Variants in ZNF571 observed in about 807,000 individuals in gnomAD.
ZNF571 encodes zinc finger protein 571.
Under a neutral mutation model 7.7 loss-of-function variants are expected in ZNF571, and 4 were observed. The observed-to-expected ratio is 0.52, with a 90% confidence interval of 0.25 to 1.18. The LOEUF (loss-of-function observed/expected upper bound fraction) is 1.18, where lower values mean the gene tolerates loss of function less well. Ranked by LOEUF, ZNF571 falls within the 50% of genes most tolerant of loss-of-function variation. ZNF571 has a pLI of 0.14. For synonymous variants in ZNF571, 251 were observed against 232.4 expected (o/e 1.08, Z -0.73); for missense variants, 704 against 726.9 (o/e 0.97, Z 0.36).
chr19:37,575,742 T>G (rs2043220527), intron 3 of ZNF571: 1 of 152,206 alleles, frequency 6.6e-6, no homozygotes, highest in African/African-American at 2.4e-5. Flanking sequence ...ACACTTGGTA[T>G]TTTTTAATTT....
At position 37,565,035 on chromosome 19, in the gene ZNF571, G is replaced by A; in HGVS notation, c.1393C>T (p.His465Tyr). The A allele has an allele frequency of 4.3e-6, 7 of 1,613,718 alleles. No homozygotes were observed. The highest frequency in any genetic ancestry group is 3.4e-6 in the Non-Finnish European group (4 of 1,179,754). Reference sequence around the variant, plus strand: ...TGTTTCTCACCATGAATTTTCTCATGTTGAGTAAGATATGCAACACGAATA... The same window carrying A: ...TGTTTCTCACCATGAATTTTCTCATATTGAGTAAGATATGCAACACGAATA... Reference protein sequence around the residue: ...AFIRVAYLTQHEKIHGEKHYE... With the variant: ...AFIRVAYLTQYEKIHGEKHYE... The change falls in exon 4 of 4, where the codon CAT (histidine) becomes TAT (tyrosine). Residue 465 changes from histidine (H) to tyrosine (Y), a missense_variant. Transcript: ENST00000451802.
chr19:37,569,249 G>A lies in ZNF571; in HGVS notation c.137-2958C>T, dbSNP rs957195950. 2.0e-5 allele frequency among the ~76,000 whole-genome samples: 3 copies of A among 152,014 alleles called. No homozygotes were observed. Among genetic ancestry groups the A allele is most frequent in the Non-Finnish European group, 2.9e-5 (2 of 68,004 alleles). ...ATTACAGGCATGAGTCACTGCGCCT[G>A]GCCCCAAAGCATCCGGAACCACAAC... On this transcript the variant is annotated intron_variant, in intron 3 of 3. Transcript: ENST00000451802. This position sits in a 1 kb window ranked among gnomAD's most constrained non-coding sequence, Gnocchi z 4.4.
At chr19:37,581,463 TTTC>T (rs1287920328) in intron 3 of ZNF571, among the ~76,000 whole-genome samples, 70 of 150,136 alleles carry the variant, frequency 4.7e-4, no homozygotes, top group African/African-American at 1.7e-3. Context: ...TCTTTCTTTC[TTTC>T]TTTTTTTTTT....
intron 3 of ZNF571, chr19:37,575,396 C>T (rs1014773868): frequency 3.9e-5 from 6 of 152,162 alleles, no homozygotes; most frequent in African/African-American, 1.4e-4. Flanking sequence ...ATTTACCATA[C>T]AAATACTGTT....
At chr19:37,577,765 G>T (rs934518669) in intron 3 of ZNF571, among the ~76,000 whole-genome samples, 12 of 152,082 alleles carry the variant, frequency 7.9e-5, no homozygotes, top group African/African-American at 2.9e-4. Context: ...GTAACTCTAG[G>T]GGGGCACTCA....
At chr19:37,568,319 C>CT (rs1027947983) in intron 3 of ZNF571, among the ~76,000 whole-genome samples, 1 of 148,044 alleles carries the variant, frequency 6.8e-6, no homozygotes, top group African/African-American at 2.5e-5. Flanking sequence ...AAGCAACTAC[C>CT]CCCCCCCACT....
intron 1 of ZNF571, 88 bp downstream of exon 1, chr19:37,594,653 C>T (rs2043965008): frequency 6.6e-6 from 1 of 152,354 alleles, no homozygotes; most frequent in African/African-American, 2.4e-5. Flanking sequence ...AGCCAGGACA[C>T]CGGTATTCCC....
chr19:37,589,278 A>G (rs2043794845), intron 1 of ZNF571, among the ~76,000 whole-genome samples: 1 of 152,008 alleles, frequency 6.6e-6, no homozygotes, highest in Admixed American at 6.6e-5. Flanking sequence ...AGAGGGGAAA[A>G]TTCTGTATCT....
chr19:37,584,023 C>A lies in ZNF571; in HGVS notation c.84G>T (p.Arg28Ser). 6.2e-7 allele frequency: 1 copy of A among 1,613,980 alleles called. No individual in the cohort carries two copies. Among genetic ancestry groups the A allele is most frequent in the Non-Finnish European group, 8.5e-7 (1 of 1,179,930 alleles). Residue 28 changes from arginine to serine, a missense_variant, in exon 3 of 4, where the codon AGG (arginine) becomes AGT (serine). Arg to Ser is a moderately radical substitution (Grantham distance 110). Coordinates refer to ENST00000451802, the MANE Select transcript of ZNF571 (RefSeq NM_016536.5). ...CCAACATCACATCCCTGTACAAGTC[C>A]CTCTGAGCAGGGTCCAGGCATTCCC... is the stretch of plus-strand genomic sequence containing the variant. ...EEWECLDPAQ[R>S]DLYRDVMLEN... is the part of the protein sequence containing the mutation.
chr19:37,586,769 AG>A, intron 1 of ZNF571, 24 bp from the exon 2 acceptor site: 2 of 1,364,808 alleles, frequency 1.5e-6, no homozygotes, highest in Non-Finnish European at 2.1e-6. Flanking sequence ...AGAAGCCACA[AG>A]ATTAGACTTG....
chr19:37,591,850 C>T lies in ZNF571; in HGVS notation c.-70+2891G>A, dbSNP rs527350077. Among the ~76,000 whole-genome samples, 44 of 152,090 alleles carry T rather than the reference C, an allele frequency of 2.9e-4. 1 individual carries two copies. In the South Asian group the frequency reaches 4.2e-3, roughly 14 times the overall value. ...TGAGCCACCACACATGGCCATGAAC[C>T]GTATTTTAAGATAACCAAATACTTG... is the stretch of plus-strand genomic sequence containing the variant. On this transcript the variant is annotated intron_variant, in intron 1 of 3. Coordinates refer to ENST00000451802, the MANE Select transcript of ZNF571 (RefSeq NM_016536.5).
intron 1 of ZNF571, among the ~76,000 whole-genome samples, chr19:37,589,487 T>TA (rs145902538): frequency 0.18 from 27,693 of 150,294 alleles, 2,653 homozygotes; most frequent in Middle Eastern, 0.3. Context: ...AGACAATTCA[T>TA]AAAAAAAAAG....
At chr19:37,591,764 A>C (rs2043874932) in intron 1 of ZNF571, among the ~76,000 whole-genome samples, 1 of 151,882 alleles carries the variant, frequency 6.6e-6, no homozygotes, top group Non-Finnish European at 1.5e-5. Flanking sequence ...GGCTGGCCTC[A>C]AACTCCCGAC....
chr19:37,584,404 A>G (rs2043588021), intron 2 of ZNF571, among the ~76,000 whole-genome samples: 2 of 152,238 alleles, frequency 1.3e-5, no homozygotes, highest in African/African-American at 4.8e-5. Flanking sequence ...TGCACAGCAG[A>G]TAAGGCTTCC....
At chr19:37,593,630 A>C (rs1334193360) in intron 1 of ZNF571, among the ~76,000 whole-genome samples, 1 of 152,136 alleles carries the variant, frequency 6.6e-6, no homozygotes, top group Non-Finnish European at 1.5e-5. Context: ...GTGAACCCGG[A>C]AGGCGGAGCT....
intron 1 of ZNF571, among the ~76,000 whole-genome samples, chr19:37,592,024 G>A (rs2043883308): frequency 6.6e-6 from 1 of 152,118 alleles, no homozygotes; most frequent in African/African-American, 2.4e-5. Flanking sequence ...TTGGGAAGCT[G>A]AGGTGGGTGG....
chr19:37,587,133 T>A lies in ZNF571; in HGVS notation c.-69-388A>T, dbSNP rs73617168. Reference sequence around the variant, plus strand: ...AACATCAGCTAGACTCACAGACATTTTGACAGACATATCAGGGTCAACAGA... The same window carrying A: ...AACATCAGCTAGACTCACAGACATTATGACAGACATATCAGGGTCAACAGA... On this transcript the variant is annotated intron_variant, in intron 1 of 3. Coordinates refer to ENST00000451802, the MANE Select transcript of ZNF571 (RefSeq NM_016536.5). The A allele has an allele frequency of 5.7e-3, 907 of 158,386 alleles. 10 individuals are homozygous for A. Among genetic ancestry groups the A allele is most frequent in the African/African-American group, 0.02 (854 of 41,776 alleles). The allele number at this position is 158,386 out of a possible 1,614,324, so 9.8% of individuals were successfully genotyped here. A position where few individuals can be genotyped will look rare whatever the true frequency, so the allele number is the denominator to read the frequency against.
chr19:37,564,426 T>G lies in ZNF571; in HGVS notation c.*172A>C. On this transcript the variant is annotated 3_prime_UTR_variant, in exon 4 of 4. Transcript: ENST00000451802. ...ATAATTCAGCATTATATTCTAGCGT[T>G]TATAGAGATGTTAAGGAATTATTTA... is the stretch of plus-strand genomic sequence containing the variant. 22 of 475,662 alleles carry G rather than the reference T, an allele frequency of 4.6e-5. No individual in the cohort carries two copies. The allele number at this position is 475,662 out of a possible 1,614,324, so 29.5% of individuals were successfully genotyped here. A position where few individuals can be genotyped will look rare whatever the true frequency, so the allele number is the denominator to read the frequency against.
At chr19:37,574,274 G>A (rs1199260111) in intron 3 of ZNF571, among the ~76,000 whole-genome samples, 1 of 151,924 alleles carries the variant, frequency 6.6e-6, no homozygotes, top group Admixed American at 6.6e-5. Context: ...CATGCTTATT[G>A]TCACCTCCCT....
Sources: gnomAD v4.1 joint callset for allele counts (sites outside exome capture counted in the v4.1 genomes callset) on GRCh38, gnomAD v4.1.1 for gene constraint, Gnocchi (gnomAD v3.1) non-coding constraint, MANE v1.5 for transcripts, NCBI Gene and HGNC (gene_info 2026-07-23, HGNC 2026-07-21) for gene names.